Variants in PSD3 observed in about 807,000 individuals in gnomAD.
PSD3 encodes the protein pleckstrin and Sec7 domain containing 3, also known as PH and SEC7 domain-containing protein 3.
PSD3 carries 49 observed loss-of-function variants against 105.5 expected under a neutral mutation model. That is an observed-to-expected ratio of 0.46 (90% CI 0.37 to 0.59). The LOEUF (loss-of-function observed/expected upper bound fraction) is 0.59. Among genes scored for constraint, PSD3 ranks in the 20% least tolerant of loss-of-function variants. The probability of loss-of-function intolerance (pLI) is 0.00; values close to 1 mark genes in which losing one functional copy is unlikely to be tolerated. For missense variants in PSD3, 1,561 were observed against 1,263.8 expected (o/e 1.24, Z -3.57); for synonymous variants, 557 against 457.8 (o/e 1.22, Z -2.77).
At chr8:18,961,453 C>T (rs550242165) in intron 1 of PSD3, among the ~76,000 whole-genome samples, 316 of 152,260 alleles carry the variant, frequency 2.1e-3, no homozygotes, top group Admixed American at 4.1e-3. Context: ...CTTTGGGAGG[C>T]CAAGGCGGGC....
chr8:18,562,164 G>A (rs1305022647), intron 14 of PSD3, among the ~76,000 whole-genome samples: 1 of 152,136 alleles, frequency 6.6e-6, no homozygotes, highest in African/African-American at 2.4e-5. Flanking sequence ...ACTGTGCTGG[G>A]TGCTGGGAAT....
chr8:18,928,683 CCTTT>C (rs1199840432), intron 2 of PSD3, among the ~76,000 whole-genome samples: 2 of 152,058 alleles, frequency 1.3e-5, no homozygotes, highest in African/African-American at 2.4e-5. Context: ...TTCCTTCCTT[CCTTT>C]TTTTCTTTTT....
At chr8:19,067,399 C>T (rs17127769) in intron 1 of PSD3, among the ~76,000 whole-genome samples, 2 of 152,136 alleles carry the variant, frequency 1.3e-5, no homozygotes, top group African/African-American at 4.8e-5. Context: ...GGAAAGACAT[C>T]ATTGCACCAA....
chr8:18,539,631 T>C (rs1371236647), intron 15 of PSD3, among the ~76,000 whole-genome samples: 1 of 147,700 alleles, frequency 6.8e-6, no homozygotes, highest in Non-Finnish European at 1.5e-5. Context: ...CACTGCAACC[T>C]CTGCCGACTG....
chr8:18,870,777 T>C (rs755006356), intron 3 of PSD3, among the ~76,000 whole-genome samples: 2 of 152,102 alleles, frequency 1.3e-5, no homozygotes, highest in Non-Finnish European at 2.9e-5. Context: ...TTATAAAATC[T>C]ACTTCTGACC....
chr8:18,811,808 G>T (rs1425645611), intron 4 of PSD3, among the ~76,000 whole-genome samples: 1 of 152,138 alleles, frequency 6.6e-6, no homozygotes, highest in Admixed American at 6.5e-5. Context: ...CTTGTGGGAT[G>T]GAGGTTCCCA....
At chr8:18,832,651 A>G (rs1460099389) in intron 4 of PSD3, among the ~76,000 whole-genome samples, 3 of 152,280 alleles carry the variant, frequency 2.0e-5, no homozygotes, top group South Asian at 2.1e-4. Flanking sequence ...ATAAAGACAC[A>G]CCCAAGACTG....
chr8:18,533,621 C>G lies in PSD3; in HGVS notation c.*2122G>C, dbSNP rs1048422525. On this transcript the variant is annotated 3_prime_UTR_variant, in exon 16 of 16. Transcript: ENST00000327040. ...GATATAGACTGTGGGCAAACACATT[C>G]AAGCCACTCAGGGAAGTTCCTTTTT... 1 of 152,184 alleles carries G rather than the reference C, an allele frequency of 6.6e-6. No individual in the cohort carries two copies. The highest frequency in any genetic ancestry group is 2.4e-5 in the African/African-American group (1 of 41,434). The allele number at this position is 152,184 out of a possible 1,614,324, so 9.4% of individuals were successfully genotyped here. A position where few individuals can be genotyped will look rare whatever the true frequency, so the allele number is the denominator to read the frequency against.
chr8:18,661,218 G>A (rs924679005), intron 9 of PSD3, among the ~76,000 whole-genome samples: 6 of 152,028 alleles, frequency 3.9e-5, no homozygotes, highest in African/African-American at 9.7e-5. Context: ...AAGTATGGAG[G>A]ATATCACAGC....
chr8:18,653,520 A>C (rs1323197786), intron 10 of PSD3, among the ~76,000 whole-genome samples: 1 of 152,210 alleles, frequency 6.6e-6, no homozygotes, highest in Non-Finnish European at 1.5e-5. Flanking sequence ...AAAAGAGGAA[A>C]CTGAGGACTA....
intron 1 of PSD3, among the ~76,000 whole-genome samples, chr8:18,937,206 A>C (rs1263542377): frequency 6.6e-6 from 1 of 152,224 alleles, no homozygotes; most frequent in Non-Finnish European, 1.5e-5. Flanking sequence ...AAAAATTTCA[A>C]GACACAAAGA....
intron 9 of PSD3, among the ~76,000 whole-genome samples, chr8:18,717,361 T>C (rs1338920036): frequency 6.6e-6 from 1 of 152,202 alleles, no homozygotes; most frequent in Non-Finnish European, 1.5e-5. Context: ...GAGGAGTTCT[T>C]GCTATAAGTA....
chr8:18,828,056 T>TA (rs1813362161), intron 4 of PSD3, among the ~76,000 whole-genome samples: 4 of 112,648 alleles, frequency 3.6e-5, no homozygotes, highest in Non-Finnish European at 7.1e-5. Context: ...TGTATATATA[T>TA]ATATATATAT....
At chr8:18,798,521 T>C (rs1455548482) in intron 8 of PSD3, among the ~76,000 whole-genome samples, 1 of 152,186 alleles carries the variant, frequency 6.6e-6, no homozygotes, top group East Asian at 1.9e-4. Context: ...ACTAGCAGAA[T>C]ATCTAAATAT....
At chr8:19,075,656 T>C (rs7016207) in intron 1 of PSD3, among the ~76,000 whole-genome samples, 121,069 of 152,120 alleles carry the variant, frequency 0.8, 48,893 homozygotes, top group East Asian at 0.86. Context: ...CTTTTTTCCT[T>C]AAATTACGAT....
chr8:18,697,854 A>C (rs10100767), intron 9 of PSD3, among the ~76,000 whole-genome samples: 21,640 of 152,144 alleles, frequency 0.14, 4,272 homozygotes, highest in African/African-American at 0.45. Flanking sequence ...TGAAAAGCAA[A>C]CAAAAATCCA....
intron 2 of PSD3, among the ~76,000 whole-genome samples, chr8:18,921,489 G>T (rs977510454): frequency 6.6e-6 from 1 of 152,200 alleles, no homozygotes; most frequent in African/African-American, 2.4e-5. Context: ...TTCTTAAAAG[G>T]TCTACAGGAG....
At chr8:19,010,725 C>A (rs958485337) in intron 1 of PSD3, among the ~76,000 whole-genome samples, 1 of 152,084 alleles carries the variant, frequency 6.6e-6, no homozygotes, top group Non-Finnish European at 1.5e-5. Flanking sequence ...CACAAGCTGT[C>A]AAGATATGGG....
intron 2 of PSD3, among the ~76,000 whole-genome samples, chr8:18,891,116 T>C (rs1285584101): frequency 6.6e-6 from 1 of 152,124 alleles, no homozygotes; most frequent in Non-Finnish European, 1.5e-5. Flanking sequence ...ATTGTTTCAT[T>C]TAATCCTTAA....
Sources: allele counts gnomAD v4.1 joint callset (sites outside exome capture counted in the v4.1 genomes callset), GRCh38; gene constraint gnomAD v4.1.1; transcripts MANE v1.5; gene names NCBI Gene and HGNC (gene_info 2026-07-23, HGNC 2026-07-21).